The following CCDC178 variants were observed in gnomAD, a reference collection of about 807,000 sequenced individuals.
CCDC178 encodes coiled-coil domain containing 178, also known as coiled-coil domain-containing protein 178.
Under a neutral mutation model 117.4 loss-of-function variants are expected in CCDC178, and 126 were observed. The ratio of observed to expected loss-of-function variants is 1.07; its 90% CI spans 0.93 to 1.24. The LOEUF is 1.24. Ranked by LOEUF, CCDC178 falls within the 50% of genes most tolerant of loss-of-function variation. The pLI, the probability that CCDC178 is intolerant of heterozygous loss-of-function variation, is 0.00. For synonymous variants in CCDC178, 283 were observed against 313.4 expected, an observed-to-expected ratio of 0.90 and a Z score of 1.02; for missense variants, 1,030 against 986.9, an observed-to-expected ratio of 1.04 and a Z score of -0.59.
intron 7 of CCDC178, among the ~76,000 whole-genome samples, chr18:33,352,857 C>T (rs534887878): frequency 1.3e-5 from 2 of 152,058 alleles, no homozygotes; most frequent in African/African-American, 4.8e-5. Context: ...AAGAATGGTC[C>T]ATGTGCACAT....
At chr18:33,228,626 G>C (rs963709930) in intron 15 of CCDC178, among the ~76,000 whole-genome samples, 3 of 152,238 alleles carry the variant, frequency 2.0e-5, no homozygotes, top group African/African-American at 7.2e-5. Context: ...TGGAGCTTCT[G>C]TCTAGCGTCT....
chr18:33,333,507 T>G (rs1481602288), intron 9 of CCDC178, 113 bp from the exon 10 acceptor site: 1 of 51,476 alleles, frequency 1.9e-5, no homozygotes, highest in African/African-American at 1.9e-4. Context: ...ATCTTACTAC[T>G]TTTTTTTTTT....
intron 21 of CCDC178, among the ~76,000 whole-genome samples, chr18:32,984,181 TAAA>T (rs2144723151): frequency 6.6e-6 from 1 of 151,924 alleles, no homozygotes; most frequent in East Asian, 1.9e-4. Context: ...TTAAGAAAAT[TAAA>T]GAAGAATTAT....
chr18:33,016,428 C>T (rs2055990972), intron 21 of CCDC178, among the ~76,000 whole-genome samples: 2 of 151,362 alleles, frequency 1.3e-5, no homozygotes, highest in Non-Finnish European at 2.9e-5. Context: ...AAATCAAATC[C>T]ACATTATGAA....
intron 21 of CCDC178, among the ~76,000 whole-genome samples, chr18:33,023,684 C>T (rs1429199535): frequency 6.6e-6 from 1 of 151,234 alleles, no homozygotes; most frequent in Admixed American, 6.6e-5. Flanking sequence ...AAAATAGGAG[C>T]TAAATAAATC....
At chr18:33,262,966 G>T (rs2059769634) in intron 14 of CCDC178, among the ~76,000 whole-genome samples, 1 of 152,122 alleles carries the variant, frequency 6.6e-6, no homozygotes, top group Admixed American at 6.6e-5. Context: ...AAGCCACTTT[G>T]CACCTTAGAA....
intron 3 of CCDC178, among the ~76,000 whole-genome samples, chr18:33,401,788 T>C (rs919347301): frequency 1.4e-4 from 22 of 152,130 alleles, no homozygotes; most frequent in African/African-American, 4.6e-4. Context: ...AGAAATAATA[T>C]ATAAAGGCTT....
chr18:33,398,355 G>T (rs369381043), intron 3 of CCDC178, among the ~76,000 whole-genome samples: 1 of 151,796 alleles, frequency 6.6e-6, no homozygotes, highest in Admixed American at 6.6e-5. Flanking sequence ...AAATATTTTA[G>T]GTATCTCAAA....
intron 20 of CCDC178, among the ~76,000 whole-genome samples, chr18:33,202,391 TAAAAAAAAAAAAAA>T (rs60997290): frequency 4.9e-5 from 1 of 20,256 alleles, no homozygotes; most frequent in Non-Finnish European, 9.4e-5. Flanking sequence ...GACTCCATCT[TAAAAAAAAAAAAAA>T]AAAAAAAAAA....
intron 21 of CCDC178, among the ~76,000 whole-genome samples, chr18:32,987,326 G>A (rs552786779): frequency 6.6e-6 from 1 of 151,932 alleles, no homozygotes; most frequent in African/African-American, 2.4e-5. Context: ...GCATATACTA[G>A]CACAATGAAA....
rs145938579 is a variant in CCDC178 at position 33,174,033 on chromosome 18, T to A, written c.2238+37863A>T. ...ACTGGGTAATTTATAAGAAAAGAGATGTAATTGGCTCACGGTTCTGCAGGC... is the reference window on the plus strand; with the variant it reads ...ACTGGGTAATTTATAAGAAAAGAGAAGTAATTGGCTCACGGTTCTGCAGGC... On this transcript the variant is annotated intron_variant, in intron 20 of 22. Coordinates refer to ENST00000383096, the MANE Select transcript of CCDC178 (RefSeq NM_001105528.4). 7.6e-3 allele frequency among the ~76,000 whole-genome samples: 1,155 copies of A among 151,822 alleles called. 8 individuals carry two copies. The highest frequency in any genetic ancestry group is 0.012 in the Non-Finnish European group (846 of 67,922).
chr18:33,135,302 G>A (rs2058111606), intron 20 of CCDC178, among the ~76,000 whole-genome samples: 1 of 151,874 alleles, frequency 6.6e-6, no homozygotes, highest in Non-Finnish European at 1.5e-5. Flanking sequence ...CAAAGTTTTG[G>A]TAAATAAATA....
At chr18:32,974,405 TC>T in intron 22 of CCDC178, 141 bp downstream of exon 22, 1 of 709,156 alleles carries the variant, frequency 1.4e-6, no homozygotes, top group South Asian at 1.8e-5. Flanking sequence ...AATTCATTCT[TC>T]ATGCAATTCC....
intron 4 of CCDC178, among the ~76,000 whole-genome samples, 164 bp from the exon 5 acceptor site, chr18:33,389,793 A>G (rs1599259013): frequency 6.6e-6 from 1 of 151,850 alleles, no homozygotes; most frequent in Non-Finnish European, 1.5e-5. Context: ...GTATCTTCAG[A>G]TATTTTCTCT....
chr18:33,249,881 T>G (rs944373881), intron 14 of CCDC178, among the ~76,000 whole-genome samples: 1 of 152,182 alleles, frequency 6.6e-6, no homozygotes, highest in African/African-American at 2.4e-5. Context: ...TTCATGACAT[T>G]GATTCTTCCT....
intron 20 of CCDC178, among the ~76,000 whole-genome samples, chr18:33,118,030 A>C (rs2057883177): frequency 6.6e-6 from 1 of 152,236 alleles, no homozygotes; most frequent in South Asian, 2.1e-4. Context: ...TCTGACAACC[A>C]CAGACATACA....
intron 3 of CCDC178, among the ~76,000 whole-genome samples, chr18:33,397,463 T>A (rs1239976540): frequency 1.3e-5 from 2 of 152,174 alleles, no homozygotes; most frequent in African/African-American, 4.8e-5. Context: ...CATTCTGGGA[T>A]GATAAATAGA....
At chr18:33,051,752 A>G (rs538594319) in intron 21 of CCDC178, among the ~76,000 whole-genome samples, 1 of 152,352 alleles carries the variant, frequency 6.6e-6, no homozygotes. Context: ...GACTCTGGTC[A>G]GCAAAACCTC....
chr18:33,179,488 TC>T (rs1272066548), intron 20 of CCDC178, among the ~76,000 whole-genome samples: 1 of 151,976 alleles, frequency 6.6e-6, no homozygotes, highest in Non-Finnish European at 1.5e-5. Flanking sequence ...TTCTTTGTCT[TC>T]TATTCTCTGC....
Sources: allele counts gnomAD v4.1 joint callset (sites outside exome capture counted in the v4.1 genomes callset), GRCh38; gene constraint gnomAD v4.1.1; transcripts MANE v1.5; gene names NCBI Gene and HGNC (gene_info 2026-07-23, HGNC 2026-07-21).